SLC1A2: variants seen among roughly 807,000 people sequenced by gnomAD.
The protein encoded by SLC1A2 is excitatory amino acid transporter 2.
Under a neutral mutation model 48.8 loss-of-function variants are expected in SLC1A2, and 15 were observed. The observed-to-expected ratio is 0.31, with a 90% CI of 0.21 to 0.47. The LOEUF (loss-of-function observed/expected upper bound fraction) is 0.47, where lower values mean the gene tolerates loss of function less well. Among genes scored for constraint, SLC1A2 ranks in the 20% least tolerant of loss-of-function variants. SLC1A2 has a pLI of 0.99. For synonymous variants in SLC1A2, 279 were observed against 272.6 expected (o/e 1.02, Z -0.23); for missense variants, 502 against 730.5 (o/e 0.69, Z 3.61).
intron 1 of SLC1A2, among the ~76,000 whole-genome samples, chr11:35,367,323 G>T (rs1395581965): frequency 2.0e-5 from 3 of 152,162 alleles, no homozygotes; most frequent in Non-Finnish European, 4.4e-5. Context: ...ACCCAGAAAT[G>T]GATGAAATAA....
chr11:35,317,509 T>C lies in SLC1A2; in HGVS notation c.25A>G (p.Asn9Asp). The C allele has an allele frequency of 1.2e-6, 2 of 1,613,544 alleles. No homozygotes were observed. The highest frequency in any genetic ancestry group is 1.7e-6 in the Non-Finnish European group (2 of 1,179,928). The change falls in exon 2 of 11, where the codon AAT (asparagine) becomes GAT (aspartate). Residue 9 changes from asparagine to aspartate, a missense_variant. Around this residue, in one of 4 missense-constraint regions of SLC1A2, gnomAD observed 89 missense variants for 119.7 expected, o/e 0.74. Transcript: ENST00000278379. Reference sequence around the variant, plus strand: ...CGCACTTCCACCTGCTTGGGCATATTGTTGGCACTGGAACAGAAGTGAAGG... The same window carrying C: ...CGCACTTCCACCTGCTTGGGCATATCGTTGGCACTGGAACAGAAGTGAAGG... The part of the protein sequence containing the change: MASTEGAN[N>D]MPKQVEVRMH...
intron 1 of SLC1A2, among the ~76,000 whole-genome samples, chr11:35,405,153 C>T (rs948589604): frequency 2.0e-5 from 3 of 152,172 alleles, no homozygotes; most frequent in Admixed American, 2.0e-4. Flanking sequence ...TATCTCCCAA[C>T]ATGTCCAGTC....
intron 8 of SLC1A2, among the ~76,000 whole-genome samples, chr11:35,281,202 A>G (rs1850623241): frequency 6.6e-6 from 1 of 152,200 alleles, no homozygotes; most frequent in Admixed American, 6.5e-5. Context: ...GTACTGCTCA[A>G]CTATGATGTA....
intron 1 of SLC1A2, among the ~76,000 whole-genome samples, chr11:35,363,598 T>G (rs1334455801): frequency 6.6e-6 from 1 of 152,158 alleles, no homozygotes; most frequent in African/African-American, 2.4e-5. Context: ...GAACTAGCAC[T>G]TAGAGCACTT....
intron 1 of SLC1A2, among the ~76,000 whole-genome samples, chr11:35,319,316 T>C (rs1401054106): frequency 1.3e-5 from 2 of 152,194 alleles, no homozygotes; most frequent in Non-Finnish European, 2.9e-5. Flanking sequence ...GTGTTTGCAG[T>C]GGGATCTTTT....
intron 1 of SLC1A2, chr11:35,322,550 GCTTCAC>G: frequency 6.7e-7 from 1 of 1,482,550 alleles, no homozygotes. Flanking sequence ...TTTGCAATGG[GCTTCAC>G]CCACCTGTCC....
intron 6 of SLC1A2, among the ~76,000 whole-genome samples, chr11:35,299,998 G>C (rs1006149660): frequency 3.3e-5 from 5 of 152,302 alleles, no homozygotes; most frequent in African/African-American, 7.2e-5. Context: ...ACAAATGCAA[G>C]TAAAAAGCTT....
rs1950357020 is a variant in SLC1A2 at position 35,259,199 on chromosome 11, C to T, written c.*1695G>A. Reference sequence around the variant, plus strand: ...TATCTGATTTAAAAGAGAGAAGTCACAAGGAGCAGATAAGAAAGGCTATTT... The same window carrying T: ...TATCTGATTTAAAAGAGAGAAGTCATAAGGAGCAGATAAGAAAGGCTATTT... On this transcript the variant is annotated 3_prime_UTR_variant, in exon 11 of 11. Transcript: ENST00000278379. 1 of 152,548 alleles carries T rather than the reference C, an allele frequency of 6.6e-6. No homozygotes were observed. The highest frequency in any genetic ancestry group is 1.5e-5 in the Non-Finnish European group (1 of 68,046). 9.4% of individuals were successfully genotyped at this position (152,548 alleles called of 1,614,324 possible).
rs1409009716 is a variant in SLC1A2 at position 35,384,563 on chromosome 11, G to C, written c.17+34387C>G. On this transcript the variant is annotated intron_variant, in intron 1 of 10. Coordinates refer to ENST00000278379, the MANE Select transcript of SLC1A2 (RefSeq NM_004171.4). ...AATCCTTAATGAATCTCAAACAGTT[G>C]CAGCTTTAGGCTCAGTGGATTAGAA... 5.3e-5 allele frequency among the ~76,000 whole-genome samples: 8 copies of C among 152,194 alleles called. No individual in the cohort carries two copies. In the South Asian group the frequency reaches 1.0e-3, roughly 20 times the overall value.
rs984458365 is a variant in SLC1A2, at chr11:35,253,539, G to C, written c.*7355C>G. 3.9e-5 allele frequency: 6 copies of C among 152,544 alleles called. No homozygotes were observed. The highest frequency in any genetic ancestry group is 3.3e-4 in the Admixed American group (5 of 15,270). 9.4% of individuals were successfully genotyped at this position (152,544 alleles called of 1,614,324 possible). A position where few individuals can be genotyped will look rare whatever the true frequency, so the allele number is the denominator to read the frequency against. ...GAGAATGCTCAGCTGGAAAAACAAG[G>C]CCTGGTGTCAAACATTTAAAAAATC... On this transcript the variant is annotated 3_prime_UTR_variant, in exon 11 of 11. Transcript: ENST00000278379.
intron 2 of SLC1A2, chr11:35,316,037 T>C (rs1461123563): frequency 6.6e-6 from 1 of 152,242 alleles, no homozygotes; most frequent in Non-Finnish European, 1.5e-5. Flanking sequence ...TCCTCATGGC[T>C]CACTCTCAAG....
intron 1 of SLC1A2, among the ~76,000 whole-genome samples, chr11:35,398,641 A>G (rs1855046381): frequency 1.3e-5 from 2 of 152,342 alleles, no homozygotes; most frequent in South Asian, 4.1e-4. Flanking sequence ...ACAAACCTGG[A>G]CATGTACCCC....
rs555475306 is a variant in SLC1A2 at position 35,412,769 on chromosome 11, A to G, written c.17+6181T>C. The stretch of plus-strand genomic sequence containing the variant: ...TCCAGGGCCTGCTATAAGCTCAGCT[A>G]CATTTGCCACTACAAAGCACATACC... On this transcript the variant is annotated intron_variant, in intron 1 of 10. Transcript: ENST00000278379. 2.6e-5 allele frequency among the ~76,000 whole-genome samples: 4 copies of G among 152,368 alleles called. No homozygotes were observed. The South Asian group carries it at 8.3e-4, about 32-fold the overall frequency.
chr11:35,304,912 A>G (rs1044982347), intron 5 of SLC1A2, among the ~76,000 whole-genome samples: 2 of 152,170 alleles, frequency 1.3e-5, no homozygotes, highest in African/African-American at 4.8e-5. Flanking sequence ...GGCATTCTGT[A>G]TTTTATCTGA....
At chr11:35,375,354 G>C (rs536380546) in intron 1 of SLC1A2, among the ~76,000 whole-genome samples, 3 of 152,194 alleles carry the variant, frequency 2.0e-5, no homozygotes, top group Admixed American at 2.0e-4. Context: ...GTGGTTCCCC[G>C]CTTCACGTGA....
At chr11:35,399,027 A>C (rs970852518) in intron 1 of SLC1A2, among the ~76,000 whole-genome samples, 1 of 152,200 alleles carries the variant, frequency 6.6e-6, no homozygotes, top group Non-Finnish European at 1.5e-5. Flanking sequence ...TGGCTGGGTC[A>C]TTAGGGATTC....
intron 1 of SLC1A2, among the ~76,000 whole-genome samples, chr11:35,378,705 A>C (rs1240235340): frequency 6.6e-6 from 1 of 152,266 alleles, no homozygotes; most frequent in Non-Finnish European, 1.5e-5. Flanking sequence ...TCACAAAAGC[A>C]ACAAGAGTGT....
At chr11:35,352,674 G>A (rs1853307654) in intron 1 of SLC1A2, among the ~76,000 whole-genome samples, 1 of 151,894 alleles carries the variant, frequency 6.6e-6, no homozygotes, top group African/African-American at 2.4e-5. Context: ...CTCAGGGCAT[G>A]CTCACTGCAC....
At chr11:35,325,563 T>C (rs531907330) in intron 1 of SLC1A2, among the ~76,000 whole-genome samples, 12 of 152,292 alleles carry the variant, frequency 7.9e-5, no homozygotes, top group South Asian at 2.1e-4. Flanking sequence ...TTTGTGACAC[T>C]CCATTGTAAG....
Sources: gnomAD v4.1 joint callset for allele counts (sites outside exome capture counted in the v4.1 genomes callset) on GRCh38, gnomAD v4.1.1 for gene constraint, gnomAD v4.1.1 regional missense constraint, MANE v1.5 for transcripts, NCBI Gene and HGNC (gene_info 2026-07-23, HGNC 2026-07-21) for gene names.